The following TGFA variants were observed in gnomAD, a reference collection of about 807,000 sequenced individuals.
TGFA encodes the protein protransforming growth factor alpha.
In TGFA, 12 loss-of-function variants were observed where a neutral mutation model predicts 21.7. That is an observed-to-expected ratio of 0.55 (90% CI 0.35 to 0.90). The LOEUF is 0.90. Ranked by LOEUF, TGFA falls within the 40% of genes least tolerant of loss-of-function variation. TGFA has a pLI of 0.01. For missense variants in TGFA, 178 were observed against 210.8 expected (o/e 0.84, Z 0.96); for synonymous variants, 79 against 88.1 (o/e 0.90, Z 0.58).
chr2:70,454,010 A>C (rs1464485830), intron 4 of TGFA, among the ~76,000 whole-genome samples: 3 of 151,606 alleles, frequency 2.0e-5, no homozygotes, highest in African/African-American at 7.3e-5. Flanking sequence ...TGCATGAAAA[A>C]AAAAAAGCCC....
chr2:70,459,337 A>T (rs1670341263), intron 3 of TGFA, among the ~76,000 whole-genome samples: 1 of 152,208 alleles, frequency 6.6e-6, no homozygotes, highest in Admixed American at 6.5e-5. Flanking sequence ...ATCTCTTTTA[A>T]TCCCAGCAAT....
intron 1 of TGFA, among the ~76,000 whole-genome samples, chr2:70,537,655 G>A (rs1553504648): frequency 6.6e-6 from 1 of 152,224 alleles, no homozygotes. Context: ...TCCAGAGTAA[G>A]CCCCTAGTTC....
intron 5 of TGFA, 75 bp downstream of exon 5, chr2:70,453,143 C>G: frequency 7.6e-7 from 1 of 1,324,102 alleles, no homozygotes; most frequent in Non-Finnish European, 1.1e-6. Context: ...ACTCCAGGAA[C>G]TTCTGCCCTG....
chr2:70,503,788 G>A (rs1553499600), intron 2 of TGFA, among the ~76,000 whole-genome samples: 4 of 152,160 alleles, frequency 2.6e-5, no homozygotes, highest in African/African-American at 7.2e-5. Context: ...GAAATCAAGC[G>A]ATCCATTTGC....
At chr2:70,451,996 C>T (rs2197836) in intron 5 of TGFA, among the ~76,000 whole-genome samples, 2,153 of 152,318 alleles carry the variant, frequency 0.014, 67 homozygotes, top group African/African-American at 0.049. Flanking sequence ...TTACTGTGCA[C>T]GATGACTATG....
At position 70,553,000 on chromosome 2, in the gene TGFA, C is replaced by T. The variant is rs576139639; in HGVS notation, c.40+728G>A. ...AACGCACCGCTCCGCAGACCCGACC[C>T]GGGAGAGGGGTTTAACTTCCCCTCA... is the stretch of plus-strand genomic sequence containing the variant. On this transcript the variant is annotated intron_variant, in intron 1 of 5. Coordinates refer to ENST00000295400, the MANE Select transcript of TGFA (RefSeq NM_003236.4). 3.3e-5 allele frequency among the ~76,000 whole-genome samples: 5 copies of T among 152,336 alleles called. No homozygotes were observed. The East Asian group carries it at 7.7e-4, about 24-fold the overall frequency.
intron 1 of TGFA, among the ~76,000 whole-genome samples, chr2:70,552,427 CT>C (rs1454855389): frequency 6.6e-6 from 1 of 152,152 alleles, no homozygotes; most frequent in Non-Finnish European, 1.5e-5. Context: ...TGTTTTATTG[CT>C]TTTTCTAAAA....
At chr2:70,517,579 G>A (rs1490286327) in intron 1 of TGFA, among the ~76,000 whole-genome samples, 4 of 152,188 alleles carry the variant, frequency 2.6e-5, no homozygotes, top group Non-Finnish European at 4.4e-5. Flanking sequence ...TGGTAGAAAT[G>A]CCCAGTCATA....
At chr2:70,534,472 G>T (rs658914) in intron 1 of TGFA, among the ~76,000 whole-genome samples, 15,649 of 152,144 alleles carry the variant, frequency 0.1, 1,109 homozygotes, top group Middle Eastern at 0.2. Flanking sequence ...ACTTCCAGGC[G>T]TGTCACTCAC....
At chr2:70,472,011 C>T (rs782228189) in intron 2 of TGFA, among the ~76,000 whole-genome samples, 1 of 152,094 alleles carries the variant, frequency 6.6e-6, no homozygotes, top group East Asian at 1.9e-4. Context: ...TCTCTCTCCC[C>T]CTATTTTTTT....
chr2:70,481,107 C>T (rs1378732039), intron 2 of TGFA, among the ~76,000 whole-genome samples: 1 of 152,136 alleles, frequency 6.6e-6, no homozygotes, highest in Non-Finnish European at 1.5e-5. Context: ...TTCCTCAAAA[C>T]TAAAAGAAAT....
At chr2:70,455,854 G>A (rs1223324776) in intron 4 of TGFA, among the ~76,000 whole-genome samples, 1 of 152,192 alleles carries the variant, frequency 6.6e-6, no homozygotes, top group Admixed American at 6.5e-5. Flanking sequence ...TGGAGGATGA[G>A]GAGGGGCAGA....
intron 3 of TGFA, among the ~76,000 whole-genome samples, chr2:70,464,587 G>A (rs1316401484): frequency 6.6e-6 from 1 of 152,158 alleles, no homozygotes; most frequent in African/African-American, 2.4e-5. Flanking sequence ...ACTTCCTTCA[G>A]TATACAGGTC....
chr2:70,548,105 T>C (rs113455427), intron 1 of TGFA, among the ~76,000 whole-genome samples: 2,591 of 152,238 alleles, frequency 0.017, 84 homozygotes, highest in African/African-American at 0.059. Context: ...CTACCAGCAT[T>C]AGTGATGCAA....
At chr2:70,450,930 G>A in intron 5 of TGFA, 64 bp from the exon 6 acceptor site, 1 of 1,573,638 alleles carries the variant, frequency 6.4e-7, no homozygotes. Flanking sequence ...GGGAAAATAA[G>A]CTTAGGAAAG....
chr2:70,539,348 T>C lies in TGFA; in HGVS notation c.40+14380A>G, dbSNP rs533658777. 7.9e-5 allele frequency among the ~76,000 whole-genome samples: 12 copies of C among 152,094 alleles called. No individual in the cohort carries two copies. The South Asian group carries it at 2.3e-3, about 29-fold the overall frequency. On this transcript the variant is annotated intron_variant, in intron 1 of 5. Transcript: ENST00000295400. ...TAAAATGGCAGAGAGAGGGAACTCATACCTATCCCTCTAGTCTGGGAACAC... is the reference window on the plus strand; with the variant it reads ...TAAAATGGCAGAGAGAGGGAACTCACACCTATCCCTCTAGTCTGGGAACAC...
At chr2:70,512,799 G>A (rs1279406682) in intron 2 of TGFA, among the ~76,000 whole-genome samples, 1 of 152,142 alleles carries the variant, frequency 6.6e-6, no homozygotes, top group Non-Finnish European at 1.5e-5. Flanking sequence ...CTTGGAGGAG[G>A]GGGTCAAATA....
intron 2 of TGFA, among the ~76,000 whole-genome samples, chr2:70,514,416 A>G (rs903434375): frequency 6.3e-5 from 9 of 143,220 alleles, no homozygotes; most frequent in Middle Eastern, 3.5e-3. Context: ...AATAAAAAAA[A>G]ATACCGATTT....
intron 1 of TGFA, among the ~76,000 whole-genome samples, chr2:70,517,817 G>C (rs991352979): frequency 1.3e-5 from 2 of 152,230 alleles, no homozygotes; most frequent in Admixed American, 6.5e-5. Context: ...GCTGAGCCTT[G>C]ATCCGTCTCT....
Sources: gnomAD v4.1 joint callset for allele counts (sites outside exome capture counted in the v4.1 genomes callset) on GRCh38, gnomAD v4.1.1 for gene constraint, MANE v1.5 for transcripts, NCBI Gene and HGNC (gene_info 2026-07-23, HGNC 2026-07-21) for gene names.